Variants in MYH7B observed in about 807,000 individuals in gnomAD.
MYH7B encodes the protein myosin-7B.
A neutral mutation model predicts 234.5 loss-of-function variants in MYH7B; 205 were observed. The ratio of observed to expected loss-of-function variants is 0.87; its 90% CI spans 0.78 to 0.98. The LOEUF (loss-of-function observed/expected upper bound fraction) is 0.98. MYH7B is among the 50% of genes least tolerant of loss of function. MYH7B has a pLI of 0.00. For synonymous variants in MYH7B, 1,193 were observed against 1,105.0 expected (o/e 1.08, Z -1.58); for missense variants, 2,652 against 2,633.4 (o/e 1.01, Z -0.15).
chr20:34,974,330 A>C (rs1027453821), intron 2 of MYH7B, among the ~76,000 whole-genome samples: 1 of 151,018 alleles, frequency 6.6e-6, no homozygotes, highest in African/African-American at 2.4e-5. Context: ...TCAGCCTCCG[A>C]AAGTGCTGGG....
chr20:34,990,444 G>C, intron 22 of MYH7B, 134 bp downstream of exon 22: 1 of 1,008,406 alleles, frequency 9.9e-7, no homozygotes, highest in Non-Finnish European at 1.6e-6. Flanking sequence ...CTCTCCACGT[G>C]AACATCACAG....
At chr20:34,980,684 C>T (rs983054690) in exon 8 of MYH7B, 3 of 1,614,094 alleles carry the variant, frequency 1.9e-6, no homozygotes, top group African/African-American at 1.3e-5. Flanking sequence ...TCAGATTCCC[C>T]GCCCCATATA....
At chr20:34,971,093 T>A (rs1443355289) in intron 2 of MYH7B, among the ~76,000 whole-genome samples, 1 of 152,072 alleles carries the variant, frequency 6.6e-6, no homozygotes, top group Non-Finnish European at 1.5e-5. Context: ...GAGGTACCCT[T>A]GTGTGTGCTC....
At chr20:34,980,685 G>A (rs372129944) in exon 8 of MYH7B, 13 of 1,614,014 alleles carry the variant, frequency 8.1e-6, no homozygotes, top group African/African-American at 5.3e-5. Flanking sequence ...CAGATTCCCC[G>A]CCCCATATAT....
intron 2 of MYH7B, among the ~76,000 whole-genome samples, chr20:34,959,834 C>G (rs1470916798): frequency 2.0e-5 from 3 of 152,168 alleles, no homozygotes; most frequent in African/African-American, 7.2e-5. Flanking sequence ...CTTTATTGAT[C>G]TGGTCGCTAA....
chr20:34,974,195 G>C (rs1426875180), intron 2 of MYH7B, among the ~76,000 whole-genome samples: 3 of 151,026 alleles, frequency 2.0e-5, no homozygotes, highest in African/African-American at 7.3e-5. Context: ...CCAAAGTGTT[G>C]GGATGACAGG....
chr20:34,990,386 CTG>C, intron 22 of MYH7B, 76 bp downstream of exon 22: 1 of 1,530,674 alleles, frequency 6.5e-7, no homozygotes, highest in Non-Finnish European at 9.1e-7. Context: ...GCCCTGTCCC[CTG>C]TGCCTTGGGC....
chr20:34,956,738 T>C (rs892164102), intron 1 of MYH7B, among the ~76,000 whole-genome samples: 2 of 152,118 alleles, frequency 1.3e-5, no homozygotes, highest in Admixed American at 1.3e-4. Context: ...ATGGGGACAG[T>C]GTTCCAAATT....
At chr20:34,996,261 G>A in intron 28 of MYH7B, 85 bp from the exon 29 acceptor site, 2 of 1,450,854 alleles carry the variant, frequency 1.4e-6, no homozygotes, top group Non-Finnish European at 9.2e-7. Flanking sequence ...AGCTGGAAGG[G>A]GCACTTGCTC....
intron 3 of MYH7B, among the ~76,000 whole-genome samples, chr20:34,975,740 G>A (rs559081944): frequency 1.3e-5 from 2 of 152,080 alleles, no homozygotes; most frequent in African/African-American, 2.4e-5. Context: ...TTTTGAGACG[G>A]AGTCTCGTAC....
chr20:34,975,056 C>G (rs977688513), intron 2 of MYH7B, among the ~76,000 whole-genome samples: 1 of 152,026 alleles, frequency 6.6e-6, no homozygotes, highest in African/African-American at 2.4e-5. Context: ...ACACTAATCT[C>G]TGAGGTTAGA....
intron 2 of MYH7B, among the ~76,000 whole-genome samples, chr20:34,959,726 C>T (rs1210101236): frequency 1.3e-5 from 2 of 152,156 alleles, no homozygotes; most frequent in East Asian, 3.9e-4. Flanking sequence ...ATCTGCCTGC[C>T]TCAGCCTCCC....
intron 2 of MYH7B, among the ~76,000 whole-genome samples, chr20:34,963,486 C>T (rs2081716384): frequency 1.3e-5 from 2 of 152,298 alleles, no homozygotes; most frequent in African/African-American, 2.4e-5. Context: ...GATAGTAGAT[C>T]CTTCCTTATA....
At chr20:34,995,302 C>T (rs1463220772) in intron 27 of MYH7B, 34 bp from the exon 28 acceptor site, 1 of 1,598,192 alleles carries the variant, frequency 6.3e-7, no homozygotes, top group Non-Finnish European at 8.5e-7. Flanking sequence ...ACCTGGCCCT[C>T]CCCCAACCTG....
At chr20:34,999,975 T>C in intron 38 of MYH7B, 69 bp downstream of exon 38, 2 of 1,400,526 alleles carry the variant, frequency 1.4e-6, no homozygotes, top group Non-Finnish European at 1.0e-6. Context: ...TGTACTCTGC[T>C]CTCTAGTCTG....
chr20:34,985,243 T>G, intron 13 of MYH7B, 114 bp downstream of exon 13: 2 of 982,594 alleles, frequency 2.0e-6, no homozygotes, highest in Non-Finnish European at 3.2e-6. Flanking sequence ...CACTTCTCTC[T>G]ACCCCCTGGC....
chr20:35,002,405 C>CT, exon 45 of MYH7B: 1 of 428,666 alleles, frequency 2.3e-6, no homozygotes, highest in Non-Finnish European at 4.0e-6. Context: ...CCACAGCAGT[C>CT]ATTTTTAAAA....
intron 24 of MYH7B, 75 bp downstream of exon 24, chr20:34,991,196 C>T: frequency 9.6e-7 from 1 of 1,037,510 alleles, no homozygotes; most frequent in South Asian, 1.5e-5. Flanking sequence ...CATATCAGAG[C>T]CCAACAGACG....
At chr20:34,975,279 A>AT in intron 2 of MYH7B, 121 bp from the exon 3 acceptor site, 1 of 447,858 alleles carries the variant, frequency 2.2e-6, no homozygotes, top group Non-Finnish European at 4.0e-6. Flanking sequence ...ATCTCGGCGC[A>AT]CTGTAACCTC....
Sources: gnomAD v4.1 joint callset for allele counts (sites outside exome capture counted in the v4.1 genomes callset) on GRCh38, gnomAD v4.1.1 for gene constraint, MANE v1.5 for transcripts, NCBI Gene and HGNC (gene_info 2026-07-23, HGNC 2026-07-21) for gene names.